The following ZIC5 variants were observed in gnomAD, a reference collection of about 807,000 sequenced individuals.
ZIC5 encodes the protein zinc finger protein ZIC 5.
In ZIC5, 20 loss-of-function variants were observed where a neutral mutation model predicts 28.5. The ratio of observed to expected loss-of-function variants is 0.70; its 90% CI spans 0.49 to 1.02. ZIC5 has a LOEUF of 1.02. ZIC5 is among the 50% of genes least tolerant of loss of function. The probability of loss-of-function intolerance (pLI) is 0.00; values close to 1 mark genes in which losing one functional copy is unlikely to be tolerated. For missense variants in ZIC5, 951 were observed against 899.7 expected (o/e 1.06, Z -0.73); for synonymous variants, 488 against 410.4 (o/e 1.19, Z -2.29).
chr13:99,970,027 A>AT, intron 1 of ZIC5, 100 bp downstream of exon 1: 1 of 1,558,690 alleles, frequency 6.4e-7, no homozygotes, highest in Non-Finnish European at 8.7e-7. Context: ...GGAGAAAAAA[A>AT]TTAAGGCGAG....
upstream of ZIC5, chr13:99,971,845 T>G: frequency 1.2e-6 from 1 of 805,102 alleles, no homozygotes; most frequent in Non-Finnish European, 1.9e-6. Flanking sequence ...GCCGCGTGAT[T>G]GGCAGTAGCC....
rs760721933 is a variant in ZIC5, at chr13:99,965,702, C to T, written c.1595G>A (p.Arg532Gln). ...TSDKPYYCKIRGCDKSYTHPS... is the reference protein window; with the variant it reads ...TSDKPYYCKIQGCDKSYTHPS... The stretch of plus-strand genomic sequence containing the variant: ...GTGAGTGTAGGATTTGTCACAGCCT[C>T]GAATCTTGCAGTAGTAGGGCTTGTC... The change falls in exon 2 of 2, where the codon CGA becomes CAA. Residue 532 changes from arginine to glutamine, a missense_variant. Around this residue, in one of 3 missense-constraint regions of ZIC5, gnomAD observed 59 missense variants for 121.2 expected, o/e 0.49. Coordinates refer to ENST00000267294, the MANE Select transcript of ZIC5 (RefSeq NM_033132.5). The T allele has an allele frequency of 1.3e-5, 21 of 1,614,052 alleles. No homozygotes were observed. Among genetic ancestry groups the T allele is most frequent in the African/African-American group, 2.7e-5 (2 of 74,918 alleles).
intron 1 of ZIC5, among the ~76,000 whole-genome samples, chr13:99,968,580 A>C (rs1252112464): frequency 2.0e-5 from 3 of 151,882 alleles, no homozygotes; most frequent in Non-Finnish European, 4.4e-5. Flanking sequence ...TCCCCTCGCG[A>C]GGCCTGGGCA....
At position 99,963,951 on chromosome 13, in the gene ZIC5, T is replaced by C. The variant is rs1431391642; in HGVS notation, c.*1426A>G. ...AAATTAGTGCTCTTTAGTGTATCTG[T>C]AGGATGTTTCTGATGGACTACATTT... is the stretch of plus-strand genomic sequence containing the variant. On this transcript the variant is annotated 3_prime_UTR_variant, in exon 2 of 2. Coordinates refer to ENST00000267294, the MANE Select transcript of ZIC5 (RefSeq NM_033132.5). 1 of 152,542 alleles carries C rather than the reference T, an allele frequency of 6.6e-6. No individual in the cohort carries two copies. Among genetic ancestry groups the C allele is most frequent in the Non-Finnish European group, 1.5e-5 (1 of 68,040 alleles). 9.4% of individuals were successfully genotyped at this position (152,542 alleles called of 1,614,324 possible).
At chr13:99,965,902 T>C in intron 1 of ZIC5, 83 bp from the exon 2 acceptor site, 4 of 1,429,040 alleles carry the variant, frequency 2.8e-6, no homozygotes, top group Non-Finnish European at 3.8e-6. Flanking sequence ...ACCAAGGTTG[T>C]GTTTTTCCTA....
rs772582607 is a variant in ZIC5, at chr13:99,963,188, G to A, written c.*2189C>T. ...AAATACATAAAATACATATTCCTTT[G>A]TTTCATAATAAATAAACCTGTAGCA... is the stretch of plus-strand genomic sequence containing the variant. On this transcript the variant is annotated 3_prime_UTR_variant, in exon 2 of 2. Coordinates refer to ENST00000267294, the MANE Select transcript of ZIC5 (RefSeq NM_033132.5). 1 of 152,240 alleles carries A rather than the reference G, an allele frequency of 6.6e-6. No homozygotes were observed. Among genetic ancestry groups the A allele is most frequent in the Non-Finnish European group, 1.5e-5 (1 of 67,958 alleles). 9.4% of individuals were successfully genotyped at this position (152,240 alleles called of 1,614,324 possible).
intron 1 of ZIC5, among the ~76,000 whole-genome samples, chr13:99,969,107 G>C (rs7329444): frequency 0.85 from 128,973 of 152,282 alleles, 54,718 homozygotes; most frequent in Middle Eastern, 0.92. Context: ...CCGACGCGCT[G>C]GTCCGCTCAA....
chr13:99,965,570 G>C lies in ZIC5; in HGVS notation c.1727C>G (p.Ser576Cys), dbSNP rs773353288. The change falls in exon 2 of 2, where the codon TCC (serine) becomes TGC (cysteine). Residue 576 changes from serine to cysteine, a missense_variant. Coordinates refer to ENST00000267294, the MANE Select transcript of ZIC5 (RefSeq NM_033132.5). ...ACTCCTGGCTGGGTCCAGCACAGGGGACAAGGGGGCGCCCACTGGAGTCCC... is the reference window on the plus strand; with the variant it reads ...ACTCCTGGCTGGGTCCAGCACAGGGCACAAGGGGGCGCCCACTGGAGTCCC... ...SVGTPVGAPLSPVLDPARSHS... is the reference protein window; with the variant it reads ...SVGTPVGAPLCPVLDPARSHS... 1.6e-5 allele frequency: 26 copies of C among 1,613,776 alleles called. No individual in the cohort carries two copies. Among genetic ancestry groups the C allele is most frequent in the Non-Finnish European group, 2.2e-5 (26 of 1,179,882 alleles).
upstream of ZIC5, chr13:99,971,835 G>A (rs1020607579): frequency 1.1e-6 from 1 of 902,828 alleles, no homozygotes; most frequent in African/African-American, 1.7e-5. Context: ...ATTGGAGGGA[G>A]CCGCGTGATT....
At chr13:99,968,531 T>C (rs1212821444) in intron 1 of ZIC5, among the ~76,000 whole-genome samples, 2 of 151,998 alleles carry the variant, frequency 1.3e-5, no homozygotes, top group African/African-American at 4.8e-5. Context: ...GATCGGCTTC[T>C]GCGCCCGCAG....
Position 99,970,244 on chromosome 13 carries a change from G to C in ZIC5, c.1360C>G (p.Leu454Val). 2 of 1,613,926 alleles carry C rather than the reference G, an allele frequency of 1.2e-6. No homozygotes were observed. The highest frequency in any genetic ancestry group is 1.7e-6 in the Non-Finnish European group (2 of 1,179,876). Reference sequence around the variant, plus strand: ...GTGTGCACGCGGATGTGGTTGATGAGCTTGTATTTGGCCTTGAAGGGCTTG... The same window carrying C: ...GTGTGCACGCGGATGTGGTTGATGACCTTGTATTTGGCCTTGAAGGGCTTG... ...EGKPFKAKYK[L>V]INHIRVHTGE... Residue 454 changes from leucine (L) to valine (V), a missense_variant, in exon 1 of 2, where the codon CTC (leucine) becomes GTC (valine). Coordinates refer to ENST00000267294, the MANE Select transcript of ZIC5 (RefSeq NM_033132.5).
chr13:99,968,320 ACCGGGTGGGGCCCACGCGGCCG>A (rs1240641635), intron 1 of ZIC5, among the ~76,000 whole-genome samples: 2 of 152,070 alleles, frequency 1.3e-5, no homozygotes, highest in Non-Finnish European at 2.9e-5. Context: ...CCCACGCTCC[ACCGGGTGGGGCCCACGCGGCCG>A]CCGGGAGGGG....
chr13:99,970,399 CCGGCCGGGGGCGGTGGCGGCGGCGG>C lies in ZIC5; in HGVS notation c.1180_1204del (p.Pro394AlafsTer17). 7.8e-7 allele frequency: 1 copy of C among 1,283,794 alleles called. No individual in the cohort carries two copies. The highest frequency in any genetic ancestry group is 9.9e-7 in the Non-Finnish European group (1 of 1,006,782). The allele number at this position is 1,283,794 out of a possible 1,614,324, so 79.5% of individuals were successfully genotyped here. ...AGTTTTGGAGCAGGGCTTGGCGCCG[CCGGCCGGGGGCGGTGGCGGCGGCGG>C]CGGCGGCGGCGGCGGCGGCGGCGGC... On this transcript the variant is annotated frameshift_variant, in exon 1 of 2. Transcript: ENST00000267294. LOFTEE classifies it high-confidence loss of function.
rs907688690 is a variant in ZIC5, at chr13:99,970,041, G to A, written c.1477+86C>T. The A allele has an allele frequency of 2.6e-6, 4 of 1,551,474 alleles. No individual in the cohort carries two copies. In the African/African-American group the frequency reaches 4.1e-5, roughly 16 times the overall value. ...AGGAGAAAAAAATTAAGGCGAGCAG[G>A]AGGAGGAGGAGAAGCAGCGGCGGAA... On this transcript the variant is annotated intron_variant, in intron 1 of 1. Coordinates refer to ENST00000267294, the MANE Select transcript of ZIC5 (RefSeq NM_033132.5).
In ZIC5 at chr13:99,965,368, T is replaced by C. The variant is rs2053091640; in HGVS notation, c.*9A>G. Reference sequence around the variant, plus strand: ...TTATTATTTCACTTATTATTATTAATAATAAATTCTAATGTATCGTCCGCA... The same window carrying C: ...TTATTATTTCACTTATTATTATTAACAATAAATTCTAATGTATCGTCCGCA... On this transcript the variant is annotated 3_prime_UTR_variant, in exon 2 of 2. Transcript: ENST00000267294. 2 of 1,607,432 alleles carry C rather than the reference T, an allele frequency of 1.2e-6. No homozygotes were observed. The highest frequency in any genetic ancestry group is 2.2e-5 in the East Asian group (1 of 44,736).
At position 99,965,302 on chromosome 13, in the gene ZIC5, C is replaced by T. The variant is rs980897325; in HGVS notation, c.*75G>A. The T allele has an allele frequency of 6.3e-6, 9 of 1,427,782 alleles. No homozygotes were observed. Among genetic ancestry groups the T allele is most frequent in the Admixed American group, 2.1e-5 (1 of 46,548 alleles). The allele number at this position is 1,427,782 out of a possible 1,614,324, so 88.4% of individuals were successfully genotyped here. On this transcript the variant is annotated 3_prime_UTR_variant, in exon 2 of 2. Transcript: ENST00000267294. ...CTGAGTCACGGGTTTGTCTCAGGCT[C>T]GGCATTGTCTCAGGTTAGGATGTGG... is the stretch of plus-strand genomic sequence containing the variant.
In ZIC5 at chr13:99,971,032, G is replaced by A. The variant is rs1207062149; in HGVS notation, c.572C>T (p.Ala191Val). ...GGACCGCTGCTCCCCTCCGAGCGGG[G>A]CCCCGTGCATGGCCGCCGCGGGGGC... ...ATAPAAAMHG[A>V]PLGGEQRSGT... Residue 191 changes from alanine to valine, a missense_variant, in exon 1 of 2, where the codon GCC becomes GTC. Physicochemically the swap from Ala to Val is moderately conservative, Grantham distance 64. Transcript: ENST00000267294. 6.3e-6 allele frequency: 9 copies of A among 1,419,976 alleles called. No homozygotes were observed. The highest frequency in any genetic ancestry group is 8.2e-6 in the Non-Finnish European group (9 of 1,099,218). 88.0% of individuals were successfully genotyped at this position (1,419,976 alleles called of 1,614,324 possible).
In ZIC5 at chr13:99,971,471, G is replaced by A. The variant is rs1194096232; in HGVS notation, c.133C>T (p.Arg45Trp). The A allele has an allele frequency of 1.9e-6, 3 of 1,549,010 alleles. No individual in the cohort carries two copies. In the South Asian group the frequency reaches 3.6e-5, roughly 18 times the overall value. ...AGGCGGAGGTGCGCGACGGCGGCCC[G>A]GAGTTGGGAGTGGGCGGGCGGGCCG... is the stretch of plus-strand genomic sequence containing the variant. ...LAGPPAHSQL[R>W]AAVAHLRLRD... Residue 45 changes from arginine (R) to tryptophan (W), a missense_variant, in exon 1 of 2, where the codon CGG (arginine) becomes TGG (tryptophan). Physicochemically the swap from Arg to Trp is moderately radical, Grantham distance 101. Around this residue, in one of 3 missense-constraint regions of ZIC5, gnomAD observed 784 missense variants for 660.1 expected, o/e 1.19. Transcript: ENST00000267294.
chr13:99,969,362 T>C (rs2053127307), intron 1 of ZIC5, among the ~76,000 whole-genome samples: 1 of 152,192 alleles, frequency 6.6e-6, no homozygotes, highest in Non-Finnish European at 1.5e-5. Flanking sequence ...GCGAGTGTGA[T>C]ACTGCGTGTG....
Sources: allele counts gnomAD v4.1 joint callset (sites outside exome capture counted in the v4.1 genomes callset), GRCh38; gene constraint gnomAD v4.1.1; regional missense constraint gnomAD v4.1.1; transcripts MANE v1.5; gene names NCBI Gene and HGNC (gene_info 2026-07-23, HGNC 2026-07-21).